LIMCH1: variants seen among roughly 807,000 people sequenced by gnomAD.
LIMCH1 encodes the protein LIM and calponin homology domains 1, also known as LIM and calponin homology domains-containing protein 1.
LIMCH1 carries 113 observed loss-of-function variants against 176.5 expected under a neutral mutation model. The ratio of observed to expected loss-of-function variants is 0.64; its 90% CI spans 0.55 to 0.75. The LOEUF is 0.75. Ranked by LOEUF, LIMCH1 falls within the 30% of genes least tolerant of loss-of-function variation. The pLI is 0.00. For missense variants in LIMCH1, 1,674 were observed against 1,814.9 expected, an observed-to-expected ratio of 0.92 and a Z score of 1.41; for synonymous variants, 619 against 645.9, an observed-to-expected ratio of 0.96 and a Z score of 0.63.
chr4:41,578,388 A>G (rs575965413), intron 1 of LIMCH1, among the ~76,000 whole-genome samples: 4 of 152,332 alleles, frequency 2.6e-5, no homozygotes, highest in Admixed American at 1.3e-4. Context: ...TTGACATGTG[A>G]CGATTACAAT....
Position 41,619,680 on chromosome 4 carries a change from G to A in LIMCH1, c.458+240G>A, listed in dbSNP as rs1017205013. 5.4e-6 allele frequency: 3 copies of A among 551,616 alleles called. No homozygotes were observed. The African/African-American group carries it at 5.6e-5, about 10-fold the overall frequency. 34.2% of individuals were successfully genotyped at this position (551,616 alleles called of 1,614,324 possible). On this transcript the variant is annotated intron_variant, in intron 6 of 31. Coordinates refer to ENST00000503057, the MANE Select transcript of LIMCH1 (RefSeq NM_001330672.2). ...ATTCAGCAACTACTTGTCTAAATAA[G>A]CAGATTTCTGAAACCAATTCTGTTG...
chr4:41,433,547 T>C (rs2061786277), intron 1 of LIMCH1, among the ~76,000 whole-genome samples: 1 of 152,174 alleles, frequency 6.6e-6, no homozygotes, highest in African/African-American at 2.4e-5. Context: ...GTCTGGTACC[T>C]CAGTGCTTCT....
rs183910577 is a variant in LIMCH1 at position 41,538,439 on chromosome 4, A to T, written c.-241+89A>T. 38 of 762,804 alleles carry T rather than the reference A, an allele frequency of 5.0e-5. No individual in the cohort carries two copies. The Admixed American group carries it at 1.3e-3, about 26-fold the overall frequency. 47.3% of individuals were successfully genotyped at this position (762,804 alleles called of 1,614,324 possible). A position where few individuals can be genotyped will look rare whatever the true frequency, so the allele number is the denominator to read the frequency against. On this transcript the variant is annotated intron_variant, in intron 1 of 31. Transcript: ENST00000503057. The stretch of plus-strand genomic sequence containing the variant: ...CTATTTAGACTTTAATACTTGGTTT[A>T]AAAAAAAGTGACTTTTTATTCACTT...
intron 4 of LIMCH1, chr4:41,612,574 CG>C: frequency 1.4e-6 from 1 of 702,526 alleles, no homozygotes; most frequent in Non-Finnish European, 2.6e-6. Flanking sequence ...AAGACACTGG[CG>C]GGAACAAGGC....
chr4:41,661,487 G>A lies in LIMCH1; in HGVS notation c.3104G>A (p.Gly1035Glu), dbSNP rs779145416. 46 of 1,611,686 alleles carry A rather than the reference G, an allele frequency of 2.9e-5. No homozygotes were observed. The Admixed American group carries it at 7.7e-4, about 27-fold the overall frequency. The change falls in exon 19 of 32, where the codon GGG becomes GAG. Residue 1035 changes from glycine (G) to glutamate (E), a missense_variant. Coordinates refer to ENST00000503057, the MANE Select transcript of LIMCH1 (RefSeq NM_001330672.2). Reference protein sequence around the residue: ...DKNDGGKSRKGNIELASSEPQ... With the variant: ...DKNDGGKSRKENIELASSEPQ... The stretch of plus-strand genomic sequence containing the variant: ...AATGATGGTGGAAAATCAAGAAAAG[G>A]GAATATAGAACTTGCCTCATCAGGT...
chr4:41,635,236 C>CTTTTT (rs72130305), intron 13 of LIMCH1, among the ~76,000 whole-genome samples: 1 of 143,298 alleles, frequency 7.0e-6, no homozygotes, highest in Non-Finnish European at 1.5e-5. Flanking sequence ...TTCTCTGTCA[C>CTTTTT]TTTTTTTTTT....
intron 1 of LIMCH1, among the ~76,000 whole-genome samples, chr4:41,377,161 T>G (rs1040531640): frequency 4.6e-5 from 7 of 152,194 alleles, no homozygotes; most frequent in African/African-American, 1.4e-4. Context: ...AAGGGTCAGC[T>G]TGAGCAGCTC....
chr4:41,518,171 C>G (rs1021544979), intron 2 of LIMCH1, among the ~76,000 whole-genome samples: 5 of 152,214 alleles, frequency 3.3e-5, no homozygotes, highest in Admixed American at 6.5e-5. Context: ...ATTTGCAATC[C>G]TTTAAGAATT....
At chr4:41,543,584 C>T (rs1044178639) in intron 1 of LIMCH1, among the ~76,000 whole-genome samples, 4 of 152,150 alleles carry the variant, frequency 2.6e-5, no homozygotes, top group Non-Finnish European at 4.4e-5. Flanking sequence ...TGAAATGTGT[C>T]CTCATGGTCA....
chr4:41,670,815 G>T, intron 21 of LIMCH1: 5 of 1,535,062 alleles, frequency 3.3e-6, no homozygotes, highest in Non-Finnish European at 4.4e-6. Context: ...CTGGGTAGCT[G>T]TATTTCTTTT....
chr4:41,558,020 T>C (rs563251483), intron 1 of LIMCH1, among the ~76,000 whole-genome samples: 1 of 152,250 alleles, frequency 6.6e-6, no homozygotes, highest in Admixed American at 6.5e-5. Context: ...TGGCCACACG[T>C]GTCAGCCTGG....
At position 41,689,511 on chromosome 4, in the gene LIMCH1, A is replaced by G. The variant is rs762051308; in HGVS notation, c.4167-16A>G. 25 of 1,413,660 alleles carry G rather than the reference A, an allele frequency of 1.8e-5. No homozygotes were observed. Among genetic ancestry groups the G allele is most frequent in the Non-Finnish European group, 2.4e-5 (24 of 997,956 alleles). The allele number at this position is 1,413,660 out of a possible 1,614,324, so 87.6% of individuals were successfully genotyped here. A position where few individuals can be genotyped will look rare whatever the true frequency, so the allele number is the denominator to read the frequency against. On this transcript the variant is annotated splice_polypyrimidine_tract_variant and intron_variant, in intron 29 of 31. Coordinates refer to ENST00000503057, the MANE Select transcript of LIMCH1 (RefSeq NM_001330672.2). ...TAAACTGAAGTTTTTATTCTTATGT[A>G]TATTTTTAAACCTAGGTCTATAAGT... is the stretch of plus-strand genomic sequence containing the variant.
rs386399906 is a variant in LIMCH1 at position 41,530,794 on chromosome 4, TAAAAAAA to T, written c.237+6335_237+6341del. On this transcript the variant is annotated intron_variant, in intron 3 of 26. Transcript: ENST00000313860. ...GGGGCTACAAGAGCGAAACCCCGCC[TAAAAAAA>T]AAAAAAAAAAAAAAAAAATTTTTTT... Among the ~76,000 whole-genome samples, 8 of 30,054 alleles carry T rather than the reference TAAAAAAA, an allele frequency of 2.7e-4. No individual in the cohort carries two copies. In the East Asian group the frequency reaches 4.2e-3, roughly 16 times the overall value. The allele number at this position is 30,054 out of a possible 152,430, so 19.7% of individuals were successfully genotyped here. A position where few individuals can be genotyped will look rare whatever the true frequency, so the allele number is the denominator to read the frequency against.
intron 17 of LIMCH1, among the ~76,000 whole-genome samples, chr4:41,648,045 ACTC>A (rs2094136921): frequency 3.3e-5 from 5 of 152,048 alleles, no homozygotes; most frequent in Admixed American, 3.3e-4. Flanking sequence ...AATCATATGG[ACTC>A]ACACACACAC....
At chr4:41,482,314 G>A (rs528577294) in intron 1 of LIMCH1, among the ~76,000 whole-genome samples, 212 of 152,294 alleles carry the variant, frequency 1.4e-3, no homozygotes, top group African/African-American at 4.6e-3. Context: ...GCGACTACCC[G>A]GGGAAGGAGG....
At chr4:41,694,996 T>C (rs1354789488) in intron 31 of LIMCH1, among the ~76,000 whole-genome samples, 1 of 152,084 alleles carries the variant, frequency 6.6e-6, no homozygotes, top group Non-Finnish European at 1.5e-5. Context: ...GGTTTGAACA[T>C]CTTTTCATAT....
chr4:41,595,405 G>A (rs1367419584), intron 1 of LIMCH1, among the ~76,000 whole-genome samples: 1 of 152,112 alleles, frequency 6.6e-6, no homozygotes, highest in Non-Finnish European at 1.5e-5. Context: ...TAACATCTGG[G>A]GAAACTTTAT....
Position 41,631,338 on chromosome 4 carries a change from G to T in LIMCH1, c.1462G>T (p.Gly488Cys). 1 of 1,536,172 alleles carries T rather than the reference G, an allele frequency of 6.5e-7. No homozygotes were observed. The highest frequency in any genetic ancestry group is 8.7e-7 in the Non-Finnish European group (1 of 1,146,908). ...DQQKWKRLSI[G>C]KAGPREDEEE... ...GCAGAAATGGAAGCGGCTTAGCATT[G>T]GCAAGGCTGGGCCTAGAGAGGATGA... The change falls in exon 10 of 32, where the codon GGC becomes TGC. Residue 488 changes from glycine (G) to cysteine (C), a missense_variant. Physicochemically the swap from Gly to Cys is radical, Grantham distance 159 (BLOSUM62 -3). Coordinates refer to ENST00000503057, the MANE Select transcript of LIMCH1 (RefSeq NM_001330672.2).
chr4:41,535,398 T>C (rs1363085200), upstream of LIMCH1, among the ~76,000 whole-genome samples: 1 of 152,104 alleles, frequency 6.6e-6, no homozygotes, highest in Admixed American at 6.6e-5. Context: ...GTTAGAAGTC[T>C]GAGATCAAGG....
Sources: gnomAD v4.1 joint callset for allele counts (sites outside exome capture counted in the v4.1 genomes callset) on GRCh38, gnomAD v4.1.1 for gene constraint, MANE v1.5 for transcripts, NCBI Gene and HGNC (gene_info 2026-07-23, HGNC 2026-07-21) for gene names.